The following DOCK2 variants were observed in gnomAD, a reference collection of about 807,000 sequenced individuals.
DOCK2 encodes dedicator of cytokinesis protein 2.
Under a neutral mutation model 248.9 loss-of-function variants are expected in DOCK2, and 87 were observed. The ratio of observed to expected loss-of-function variants is 0.35; its 90% CI spans 0.29 to 0.42. The LOEUF is 0.42. DOCK2 is among the 10% of genes least tolerant of loss of function. The pLI is 1.00. For synonymous variants in DOCK2, 805 were observed against 821.6 expected, an observed-to-expected ratio of 0.98 and a Z score of 0.35; for missense variants, 1,747 against 2,300.2, an observed-to-expected ratio of 0.76 and a Z score of 4.92.
At chr5:169,865,368 A>G (rs1581314383) in intron 27 of DOCK2, among the ~76,000 whole-genome samples, 1 of 152,220 alleles carries the variant, frequency 6.6e-6, no homozygotes, top group East Asian at 1.9e-4. Flanking sequence ...GTGGGTGCTG[A>G]TGCTGTCTGT....
chr5:169,941,494 C>T (rs999559969), intron 27 of DOCK2, among the ~76,000 whole-genome samples: 1 of 152,122 alleles, frequency 6.6e-6, no homozygotes, highest in African/African-American at 2.4e-5. Flanking sequence ...GCAAAGGCCC[C>T]ATGGAACCAG....
At chr5:170,035,232 A>G (rs1271077168) in intron 35 of DOCK2, among the ~76,000 whole-genome samples, 1 of 152,202 alleles carries the variant, frequency 6.6e-6, no homozygotes, top group Non-Finnish European at 1.5e-5. Flanking sequence ...ATAATGCTTC[A>G]TATTCACCGT....
intron 32 of DOCK2, among the ~76,000 whole-genome samples, chr5:170,012,319 G>A (rs1024296986): frequency 1.3e-5 from 2 of 151,962 alleles, no homozygotes. Flanking sequence ...GTTTCAAAGG[G>A]TGTGAAATAA....
At chr5:169,783,492 T>C (rs1765820724) in intron 25 of DOCK2, among the ~76,000 whole-genome samples, 1 of 152,178 alleles carries the variant, frequency 6.6e-6, no homozygotes, top group Admixed American at 6.5e-5. Flanking sequence ...ATAACAATGC[T>C]CAACACAGTC....
intron 42 of DOCK2, chr5:170,056,442 G>T (rs781689515): frequency 4.6e-6 from 2 of 438,656 alleles, no homozygotes; most frequent in Non-Finnish European, 8.1e-6. Context: ...ATACTCTAGG[G>T]GTACTATGTT....
At chr5:169,650,505 T>C (rs76230503) in intron 1 of DOCK2, among the ~76,000 whole-genome samples, 8,068 of 152,252 alleles carry the variant, frequency 0.053, 245 homozygotes, top group South Asian at 0.1. Flanking sequence ...GCTAGAACAA[T>C]GGTGTTTACT....
chr5:169,742,029 G>A (rs1763340000), intron 22 of DOCK2, among the ~76,000 whole-genome samples: 1 of 151,906 alleles, frequency 6.6e-6, no homozygotes, highest in Non-Finnish European at 1.5e-5. Flanking sequence ...TGTTAGCCAG[G>A]ATGGTCTCAA....
intron 30 of DOCK2, among the ~76,000 whole-genome samples, chr5:170,002,059 T>G (rs1754852663): frequency 6.6e-6 from 1 of 152,114 alleles, no homozygotes; most frequent in African/African-American, 2.4e-5. Context: ...ACTGAAACCC[T>G]GGAAGGCAAC....
intron 10 of DOCK2, among the ~76,000 whole-genome samples, chr5:169,697,030 A>G (rs1280513189): frequency 2.0e-5 from 3 of 152,142 alleles, no homozygotes; most frequent in Admixed American, 6.5e-5. Flanking sequence ...TAAGGCAGTA[A>G]GGATCCTTCA....
intron 39 of DOCK2, 127 bp downstream of exon 39, chr5:170,046,032 G>A (rs554580489): frequency 3.7e-6 from 3 of 821,866 alleles, no homozygotes; most frequent in South Asian, 2.9e-5. Flanking sequence ...ATGAACGGAA[G>A]TAGGACCTGA....
chr5:169,661,328 T>A (rs1017322329), intron 2 of DOCK2, among the ~76,000 whole-genome samples: 3 of 152,224 alleles, frequency 2.0e-5, no homozygotes, highest in African/African-American at 7.2e-5. Flanking sequence ...TAATTGTATA[T>A]GTTTAAGGTA....
Position 169,806,434 on chromosome 5 carries a change from G to A in DOCK2, c.2703+3228G>A, listed in dbSNP as rs144101103. On this transcript the variant is annotated intron_variant, in intron 26 of 51. Coordinates refer to ENST00000520908, the MANE Select transcript of DOCK2 (RefSeq NM_004946.3). ...AAAGTGCTGGGATTACAAGCCACCC[G>A]GGGAGCTTTTTAAAAGTCAAACTAG... 4.6e-4 allele frequency among the ~76,000 whole-genome samples: 70 copies of A among 152,034 alleles called. No individual in the cohort carries two copies. In the East Asian group the frequency reaches 9.1e-3, roughly 20 times the overall value.
At chr5:170,057,159 A>G (rs1757160276) in intron 43 of DOCK2, 1 of 355,962 alleles carries the variant, frequency 2.8e-6, no homozygotes, top group Non-Finnish European at 5.3e-6. Context: ...GTGTGTGTCC[A>G]GCTAGGATTC....
chr5:169,817,695 C>T (rs910445243), intron 26 of DOCK2, among the ~76,000 whole-genome samples: 2 of 152,236 alleles, frequency 1.3e-5, no homozygotes, highest in Non-Finnish European at 2.9e-5. Context: ...GGAAATTTGA[C>T]ATAGGCCATC....
At chr5:169,703,645 T>G (rs896375877) in intron 14 of DOCK2, among the ~76,000 whole-genome samples, 1 of 152,258 alleles carries the variant, frequency 6.6e-6, no homozygotes, top group Non-Finnish European at 1.5e-5. Context: ...ATTGCCTTTT[T>G]GTTCATAAAG....
intron 27 of DOCK2, among the ~76,000 whole-genome samples, chr5:169,945,100 C>T (rs1025707713): frequency 1.3e-5 from 2 of 152,160 alleles, no homozygotes; most frequent in Non-Finnish European, 2.9e-5. Flanking sequence ...ATTAGGGAAC[C>T]GACTGTGGTT....
At chr5:169,969,077 C>T (rs1310199592) in intron 27 of DOCK2, among the ~76,000 whole-genome samples, 1 of 151,946 alleles carries the variant, frequency 6.6e-6, no homozygotes, top group African/African-American at 2.4e-5. Context: ...TTGAGCCCAG[C>T]AAGTCAAGGC....
In DOCK2 at chr5:169,673,560, AC is replaced by A. The variant is rs1759160196; in HGVS notation, c.322-732del. ...TTTAGAGACAGGGTCTTGCTCTGTC[AC>A]CCCCGCTGGAGTGCAGTGGGACCAT... On this transcript the variant is annotated intron_variant, in intron 5 of 51. Transcript: ENST00000520908. 3.3e-5 allele frequency among the ~76,000 whole-genome samples: 5 copies of A among 152,098 alleles called. 1 individual carries two copies. The highest frequency in any genetic ancestry group is 6.3e-3 in the Middle Eastern group (2 of 316).
At chr5:169,858,327 A>G (rs1771003494) in intron 27 of DOCK2, among the ~76,000 whole-genome samples, 1 of 152,210 alleles carries the variant, frequency 6.6e-6, no homozygotes, top group African/African-American at 2.4e-5. Context: ...GGTATTTGGC[A>G]TGGTCTGGGC....
Sources: allele counts gnomAD v4.1 joint callset (sites outside exome capture counted in the v4.1 genomes callset), GRCh38; gene constraint gnomAD v4.1.1; transcripts MANE v1.5; gene names NCBI Gene and HGNC (gene_info 2026-07-23, HGNC 2026-07-21).